The following SLX4IP variants were observed in gnomAD, a reference collection of about 807,000 sequenced individuals.
SLX4IP encodes SLX4 interacting protein.
A neutral mutation model predicts 32.9 loss-of-function variants in SLX4IP; 34 were observed. The ratio of observed to expected loss-of-function variants is 1.03; its 90% confidence interval spans 0.79 to 1.38. The LOEUF (loss-of-function observed/expected upper bound fraction) is 1.38. SLX4IP is among the 40% of genes most tolerant of loss of function. The pLI, the probability that SLX4IP is intolerant of heterozygous loss-of-function variation, is 0.00. For synonymous variants in SLX4IP, 172 were observed against 171.7 expected, an observed-to-expected ratio of 1.00 and a Z score of -0.01; for missense variants, 444 against 479.0, an observed-to-expected ratio of 0.93 and a Z score of 0.68.
At chr20:10,460,353 A>G (rs2065326400) in intron 2 of SLX4IP, among the ~76,000 whole-genome samples, 1 of 152,158 alleles carries the variant, frequency 6.6e-6, no homozygotes, top group Non-Finnish European at 1.5e-5. Flanking sequence ...ATCTCTCCTG[A>G]TTCTGTAGGT....
At chr20:10,513,508 G>A (rs924112897) in intron 2 of SLX4IP, among the ~76,000 whole-genome samples, 3 of 152,198 alleles carry the variant, frequency 2.0e-5, no homozygotes, top group East Asian at 1.9e-4. Context: ...CATGGAAGTC[G>A]GGGGTATTAG....
chr20:10,497,908 A>G (rs1600931662), intron 2 of SLX4IP, among the ~76,000 whole-genome samples: 1 of 151,664 alleles, frequency 6.6e-6, no homozygotes, highest in African/African-American at 2.4e-5. Flanking sequence ...GCTTTTTCTA[A>G]AAAATGGCCT....
intron 2 of SLX4IP, among the ~76,000 whole-genome samples, chr20:10,512,778 C>CTCTA (rs1349788407): frequency 7.8e-5 from 2 of 25,656 alleles, no homozygotes; most frequent in Non-Finnish European, 1.5e-4. Flanking sequence ...CACACACACT[C>CTCTA]TATATATATA....
At chr20:10,584,105 T>C (rs983081379) in intron 4 of SLX4IP, among the ~76,000 whole-genome samples, 2 of 151,950 alleles carry the variant, frequency 1.3e-5, no homozygotes, top group Non-Finnish European at 2.9e-5. Flanking sequence ...AAGATAAAAA[T>C]AAAAAGCACA....
chr20:10,521,307 G>A (rs567602310), intron 2 of SLX4IP, among the ~76,000 whole-genome samples: 7 of 152,046 alleles, frequency 4.6e-5, no homozygotes, highest in Non-Finnish European at 1.0e-4. Flanking sequence ...ATCCTTCCTG[G>A]ACTCCTCTCT....
intron 3 of SLX4IP, 100 bp from the exon 4 acceptor site, chr20:10,560,600 A>G: frequency 1.0e-6 from 1 of 955,008 alleles, no homozygotes; most frequent in Non-Finnish European, 1.4e-6. Context: ...TAAATTAAAA[A>G]GCAAAATGAA....
intron 3 of SLX4IP, among the ~76,000 whole-genome samples, chr20:10,558,502 A>T (rs2066294020): frequency 6.6e-6 from 1 of 152,184 alleles, no homozygotes; most frequent in East Asian, 1.9e-4. Flanking sequence ...AGATCCTCTC[A>T]TGATTGGGAT....
At chr20:10,560,899 C>A in intron 4 of SLX4IP, 79 bp downstream of exon 4, 1 of 1,328,828 alleles carries the variant, frequency 7.5e-7, no homozygotes, top group South Asian at 1.9e-5. Context: ...ATGTTTGACT[C>A]TGACTGTCAT....
At chr20:10,518,448 T>C (rs1401719753) in intron 2 of SLX4IP, among the ~76,000 whole-genome samples, 18,737 of 91,806 alleles carry the variant, frequency 0.2, 2,947 homozygotes, top group South Asian at 0.38. Context: ...TCTTCCTTCC[T>C]TCCTTCCTTC....
intron 1 of SLX4IP, among the ~76,000 whole-genome samples, chr20:10,455,048 A>G (rs1353212218): frequency 6.6e-6 from 1 of 152,116 alleles, no homozygotes; most frequent in African/African-American, 2.4e-5. Context: ...ATCTTCTTTG[A>G]AGGAATGTCT....
intron 4 of SLX4IP, among the ~76,000 whole-genome samples, chr20:10,589,390 T>A (rs2050521664): frequency 6.6e-6 from 1 of 152,118 alleles, no homozygotes; most frequent in South Asian, 2.1e-4. Flanking sequence ...AATAAAAGGA[T>A]AAAAGGCCAA....
chr20:10,503,755 A>T (rs1306486904), intron 2 of SLX4IP, among the ~76,000 whole-genome samples: 2 of 151,920 alleles, frequency 1.3e-5, no homozygotes, highest in Non-Finnish European at 2.9e-5. Flanking sequence ...TCTAGGGGAG[A>T]TCCTTCCTTG....
intron 4 of SLX4IP, among the ~76,000 whole-genome samples, chr20:10,570,914 C>T (rs2066456912): frequency 1.3e-5 from 2 of 152,190 alleles, no homozygotes; most frequent in African/African-American, 4.8e-5. Flanking sequence ...ATGGCAGCCT[C>T]AACCACCTGG....
intron 4 of SLX4IP, among the ~76,000 whole-genome samples, chr20:10,571,112 C>T (rs1447173373): frequency 6.6e-6 from 1 of 152,192 alleles, no homozygotes; most frequent in Admixed American, 6.5e-5. Flanking sequence ...GGATTACAGA[C>T]GTGAGCCTCC....
chr20:10,621,201 C>A, intron 6 of SLX4IP, 113 bp from the exon 7 acceptor site: 1 of 938,000 alleles, frequency 1.1e-6, no homozygotes, highest in Non-Finnish European at 1.7e-6. Context: ...TGAGCAGTTT[C>A]ATTCAGTCTT....
intron 2 of SLX4IP, among the ~76,000 whole-genome samples, chr20:10,480,187 G>A (rs933367179): frequency 5.9e-5 from 9 of 152,156 alleles, no homozygotes; most frequent in Non-Finnish European, 8.8e-5. Flanking sequence ...GAACCCAGGA[G>A]TCTGAGACCA....
chr20:10,534,921 G>A (rs767648497), intron 2 of SLX4IP, among the ~76,000 whole-genome samples: 14 of 152,204 alleles, frequency 9.2e-5, no homozygotes, highest in Non-Finnish European at 1.8e-4. Flanking sequence ...ATAGAAAGGC[G>A]TAAAATGCAA....
intron 5 of SLX4IP, among the ~76,000 whole-genome samples, chr20:10,599,417 T>C (rs1465579844): frequency 6.6e-6 from 1 of 152,158 alleles, no homozygotes; most frequent in African/African-American, 2.4e-5. Context: ...TCGAATATGT[T>C]ATTCTCTTTT....
chr20:10,506,575 T>C (rs954857975), intron 2 of SLX4IP, among the ~76,000 whole-genome samples: 1 of 152,212 alleles, frequency 6.6e-6, no homozygotes, highest in Non-Finnish European at 1.5e-5. Context: ...AACAAGAAGA[T>C]GTTTATGATT....
Sources: gnomAD v4.1 joint callset for allele counts (sites outside exome capture counted in the v4.1 genomes callset) on GRCh38, gnomAD v4.1.1 for gene constraint, MANE v1.5 for transcripts, NCBI Gene and HGNC (gene_info 2026-07-23, HGNC 2026-07-21) for gene names.